PSPC1: variants seen among roughly 807,000 people sequenced by gnomAD.
The protein encoded by PSPC1 is paraspeckle component 1.
A neutral mutation model predicts 51.6 loss-of-function variants in PSPC1; 14 were observed. The ratio of observed to expected loss-of-function variants is 0.27; its 90% CI spans 0.18 to 0.42. The LOEUF (loss-of-function observed/expected upper bound fraction) is 0.42. PSPC1 is among the 10% of genes least tolerant of loss of function. PSPC1 has a pLI of 1.00. For missense variants in PSPC1, 406 were observed against 701.1 expected (o/e 0.58, Z 4.75); for synonymous variants, 193 against 231.9 (o/e 0.83, Z 1.53).
chr13:19,676,914 G>A (rs543401936), intron 7 of PSPC1, among the ~76,000 whole-genome samples: 1 of 152,290 alleles, frequency 6.6e-6, no homozygotes, highest in Non-Finnish European at 1.5e-5. Flanking sequence ...AAAAGCAGAG[G>A]AGGAGGAATG....
chr13:19,713,664 T>C (rs796692088), intron 6 of PSPC1, among the ~76,000 whole-genome samples: 4 of 152,104 alleles, frequency 2.6e-5, no homozygotes, highest in African/African-American at 9.6e-5. Context: ...ATTATACATA[T>C]GTATTCCTGA....
chr13:19,715,953 G>A (rs937297612), intron 6 of PSPC1, among the ~76,000 whole-genome samples: 1 of 152,178 alleles, frequency 6.6e-6, no homozygotes, highest in Admixed American at 6.5e-5. Flanking sequence ...GGCGGAGCTT[G>A]CAGTGAGCCA....
intron 6 of PSPC1, among the ~76,000 whole-genome samples, chr13:19,696,242 C>A (rs1879218828): frequency 1.3e-5 from 2 of 152,116 alleles, no homozygotes; most frequent in African/African-American, 4.8e-5. Context: ...ATCCGGATTA[C>A]AATTAAGAAA....
At chr13:19,746,463 G>T (rs551615991) in intron 4 of PSPC1, among the ~76,000 whole-genome samples, 1 of 151,860 alleles carries the variant, frequency 6.6e-6, no homozygotes, top group East Asian at 2.0e-4. Flanking sequence ...AGTGGCTCAC[G>T]CCTGTAATCC....
rs117188993 is a variant in PSPC1 at position 19,682,682 on chromosome 13, G to A, written c.1159-4859C>T. ...AGTGTTGTCAAGGATGCGGAGGAAC[G>A]GAAATCTTATACATTGTTCATGGGA... On this transcript the variant is annotated intron_variant and NMD_transcript_variant, in intron 6 of 7. Coordinates refer to the PSPC1 transcript ENST00000471658. Among the ~76,000 whole-genome samples the A allele has an allele frequency of 4.6e-3, 699 of 152,168 alleles. 5 individuals carry two copies. Among genetic ancestry groups the A allele is most frequent in the South Asian group, 0.027 (129 of 4,826 alleles).
chr13:19,756,201 G>A (rs1406712425), intron 3 of PSPC1, among the ~76,000 whole-genome samples: 4 of 152,142 alleles, frequency 2.6e-5, no homozygotes, highest in Non-Finnish European at 5.9e-5. Flanking sequence ...CTGCACCACT[G>A]CACTCCAGCC....
chr13:19,738,628 C>CA (rs1330882091), intron 5 of PSPC1, among the ~76,000 whole-genome samples: 1 of 152,136 alleles, frequency 6.6e-6, no homozygotes, highest in Admixed American at 6.6e-5. Flanking sequence ...GACAAGTTAG[C>CA]CGGGTGCAGT....
At chr13:19,730,896 G>C (rs1883965674) in intron 5 of PSPC1, among the ~76,000 whole-genome samples, 1 of 142,070 alleles carries the variant, frequency 7.0e-6, no homozygotes, top group African/African-American at 2.6e-5. Flanking sequence ...GCAGTGAGCG[G>C]AGATCGCGCC....
chr13:19,696,619 G>C (rs993999103), intron 6 of PSPC1, among the ~76,000 whole-genome samples: 2 of 151,980 alleles, frequency 1.3e-5, no homozygotes, highest in African/African-American at 4.8e-5. Context: ...CTTCAAGCTA[G>C]AAAAGCAAAA....
intron 4 of PSPC1, among the ~76,000 whole-genome samples, chr13:19,743,777 A>G (rs1885672130): frequency 1.3e-5 from 2 of 152,204 alleles, no homozygotes; most frequent in Non-Finnish European, 2.9e-5. Flanking sequence ...CCTTTATAAC[A>G]TAATTCTCAA....
chr13:19,738,291 T>C (rs940849533), intron 5 of PSPC1, among the ~76,000 whole-genome samples: 1 of 152,114 alleles, frequency 6.6e-6, no homozygotes, highest in Admixed American at 6.6e-5. Flanking sequence ...TGAGTCTCAT[T>C]ATCCACAATA....
intron 6 of PSPC1, among the ~76,000 whole-genome samples, chr13:19,689,161 C>T (rs373849870): frequency 9.2e-5 from 14 of 152,292 alleles, no homozygotes; most frequent in African/African-American, 3.4e-4. Flanking sequence ...CAGAGAAGCA[C>T]TGAGGTCTGA....
At chr13:19,679,865 A>G (rs1174118689) in intron 6 of PSPC1, among the ~76,000 whole-genome samples, 3 of 152,200 alleles carry the variant, frequency 2.0e-5, no homozygotes, top group African/African-American at 4.8e-5. Context: ...ATCCTTCTCA[A>G]TAACATCAGG....
intron 6 of PSPC1, among the ~76,000 whole-genome samples, chr13:19,683,212 G>A (rs930909584): frequency 6.6e-6 from 1 of 152,186 alleles, no homozygotes; most frequent in Non-Finnish European, 1.5e-5. Flanking sequence ...TTGTACAAGA[G>A]TGTTCATAGT....
At chr13:19,671,896 G>A (rs762843409), downstream of PSPC1, 25 of 1,612,098 alleles carry the variant, frequency 1.6e-5, no homozygotes, top group South Asian at 3.3e-5. Context: ...GGGACTGGGC[G>A]GAGTTCTCTT....
At position 19,731,631 on chromosome 13, in the gene PSPC1, CT is replaced by C. The variant is rs531661891; in HGVS notation, c.1053-1288del. 4.5e-4 allele frequency among the ~76,000 whole-genome samples: 69 copies of C among 152,248 alleles called. 1 individual carries two copies. The highest frequency in any genetic ancestry group is 8.7e-4 in the African/African-American group (36 of 41,556). The stretch of plus-strand genomic sequence containing the variant: ...GTCTTGCCATGTTGCCCAGACTGGT[CT>C]TAAACTCCTGGGCTCAAGTGGTCTG... On this transcript the variant is annotated intron_variant, in intron 5 of 8. Coordinates refer to ENST00000338910, the MANE Select transcript of PSPC1 (RefSeq NM_001354909.2).
At chr13:19,767,510 A>T (rs963994254) in intron 2 of PSPC1, among the ~76,000 whole-genome samples, 1 of 152,144 alleles carries the variant, frequency 6.6e-6, no homozygotes, top group African/African-American at 2.4e-5. Context: ...AAGAACCTAA[A>T]TAGCCAAAAA....
At chr13:19,757,006 T>C (rs932184481) in intron 3 of PSPC1, among the ~76,000 whole-genome samples, 4 of 151,642 alleles carry the variant, frequency 2.6e-5, no homozygotes, top group Non-Finnish European at 5.9e-5. Context: ...GGCACGTGCC[T>C]ACAGTCCCAG....
At chr13:19,705,234 C>A (rs1880493466) in intron 8 of PSPC1, among the ~76,000 whole-genome samples, 1 of 152,248 alleles carries the variant, frequency 6.6e-6, no homozygotes, top group African/African-American at 2.4e-5. Flanking sequence ...GTGGCTCACG[C>A]CTGTAATCCC....
Sources: allele counts gnomAD v4.1 joint callset (sites outside exome capture counted in the v4.1 genomes callset), GRCh38; gene constraint gnomAD v4.1.1; transcripts MANE v1.5; gene names NCBI Gene and HGNC (gene_info 2026-07-23, HGNC 2026-07-21).